SRGAP1: variants seen among roughly 807,000 people sequenced by gnomAD.
SRGAP1 encodes the protein SLIT-ROBO Rho GTPase activating protein 1, also known as SLIT-ROBO Rho GTPase-activating protein 1.
Under a neutral mutation model 121.9 loss-of-function variants are expected in SRGAP1, and 43 were observed. That is an observed-to-expected ratio of 0.35 (90% CI 0.28 to 0.46). SRGAP1 has a LOEUF of 0.46. SRGAP1 is among the 20% of genes least tolerant of loss of function. SRGAP1 has a pLI of 1.00. For missense variants in SRGAP1, 1,102 were observed against 1,350.9 expected (o/e 0.82, Z 2.89); for synonymous variants, 447 against 485.4 (o/e 0.92, Z 1.04).
chr12:63,864,314 G>A (rs1045798288), intron 1 of SRGAP1, among the ~76,000 whole-genome samples: 2 of 152,104 alleles, frequency 1.3e-5, no homozygotes, highest in Non-Finnish European at 2.9e-5. Context: ...TTATCATTGT[G>A]GTTATTCATC....
chr12:64,141,287 A>AAAG (rs60064168), intron 21 of SRGAP1, among the ~76,000 whole-genome samples: 40,550 of 144,510 alleles, frequency 0.28, 6,199 homozygotes, highest in East Asian at 0.57. Flanking sequence ...AAAAAAAAAA[A>AAAG]AAAGAAAAAC....
intron 1 of SRGAP1, among the ~76,000 whole-genome samples, chr12:63,898,335 A>G (rs1900821501): frequency 6.6e-6 from 1 of 152,232 alleles, no homozygotes. Context: ...AGGACATCCC[A>G]TTTCTAAGTT....
chr12:64,088,302 T>C (rs2035984242), intron 11 of SRGAP1, among the ~76,000 whole-genome samples: 1 of 152,236 alleles, frequency 6.6e-6, no homozygotes, highest in African/African-American at 2.4e-5. Context: ...ATGCAGCTTA[T>C]AGAGATGTTT....
intron 1 of SRGAP1, among the ~76,000 whole-genome samples, chr12:63,975,538 T>G (rs982887059): frequency 3.9e-5 from 6 of 152,192 alleles, no homozygotes; most frequent in Non-Finnish European, 8.8e-5. Flanking sequence ...TATCCAAAAT[T>G]TTATGATTGT....
At chr12:64,058,257 T>A (rs1313757583) in intron 6 of SRGAP1, among the ~76,000 whole-genome samples, 1 of 152,212 alleles carries the variant, frequency 6.6e-6, no homozygotes, top group Non-Finnish European at 1.5e-5. Context: ...AGACTTTCAA[T>A]GGCTCAACTT....
chr12:64,049,891 G>T (rs1396419754), intron 6 of SRGAP1, among the ~76,000 whole-genome samples: 1 of 152,110 alleles, frequency 6.6e-6, no homozygotes, highest in African/African-American at 2.4e-5. Flanking sequence ...TTGTGGTTCA[G>T]TATAAACTTT....
chr12:64,050,633 G>A (rs2035220002), intron 6 of SRGAP1, among the ~76,000 whole-genome samples: 6 of 152,160 alleles, frequency 3.9e-5, no homozygotes, highest in Admixed American at 3.3e-4. Flanking sequence ...CAGCTGATGT[G>A]TCTAGGCAAG....
chr12:63,948,129 G>A (rs965850476), intron 1 of SRGAP1, among the ~76,000 whole-genome samples: 12 of 151,550 alleles, frequency 7.9e-5, no homozygotes, highest in African/African-American at 2.4e-4. Flanking sequence ...GCTTTCTTTC[G>A]CCCTAAAATG....
At chr12:64,039,628 C>CGTGTGTGTGTGTGTGTGTGTGTGTGTGT (rs6144742) in intron 4 of SRGAP1, among the ~76,000 whole-genome samples, 4,817 of 130,746 alleles carry the variant, frequency 0.037, 300 homozygotes, top group Middle Eastern at 0.057. Context: ...AGCTGAGCAA[C>CGTGTGTGTGTGTGTGTGTGTGTGTGTGT]GTGTGTGTGT....
intron 1 of SRGAP1, among the ~76,000 whole-genome samples, chr12:63,900,597 G>C (rs1321739818): frequency 6.6e-6 from 1 of 152,046 alleles, no homozygotes; most frequent in East Asian, 2.0e-4. Context: ...AGGATCAGAT[G>C]AGGCCAGGAG....
At chr12:64,006,565 T>C (rs1593032558) in intron 3 of SRGAP1, among the ~76,000 whole-genome samples, 1 of 152,198 alleles carries the variant, frequency 6.6e-6, no homozygotes. Context: ...AAAGCAGATA[T>C]ATGACTTAAT....
At chr12:64,063,197 C>G (rs2035481322) in intron 7 of SRGAP1, 59 bp downstream of exon 7, 1 of 1,424,034 alleles carries the variant, frequency 7.0e-7, no homozygotes, top group Non-Finnish European at 9.8e-7. Context: ...TTTCTCCTCA[C>G]TTGCTATAAT....
intron 6 of SRGAP1, among the ~76,000 whole-genome samples, chr12:64,050,536 CA>C (rs1480648036): frequency 4.3e-4 from 66 of 152,260 alleles, no homozygotes; most frequent in African/African-American, 1.5e-3. Flanking sequence ...TTTTTAAAAT[CA>C]ATAATCTTTA....
At chr12:63,976,277 C>A (rs762630348) in intron 1 of SRGAP1, among the ~76,000 whole-genome samples, 6 of 152,176 alleles carry the variant, frequency 3.9e-5, no homozygotes, top group Non-Finnish European at 7.3e-5. Flanking sequence ...GTGACTAGAC[C>A]TCCTACCCAT....
chr12:64,087,098 C>A, intron 11 of SRGAP1, 72 bp downstream of exon 11: 1 of 1,173,058 alleles, frequency 8.5e-7, no homozygotes, highest in Non-Finnish European at 1.2e-6. Context: ...CATTTCAATG[C>A]TGAAAGAATT....
chr12:64,129,910 G>A (rs1012107250), intron 21 of SRGAP1, among the ~76,000 whole-genome samples: 1 of 152,188 alleles, frequency 6.6e-6, no homozygotes, highest in Non-Finnish European at 1.5e-5. Context: ...AGCTGGTATT[G>A]ATGACTACCT....
chr12:63,940,725 ATTGT>A (rs1423330221), intron 1 of SRGAP1, among the ~76,000 whole-genome samples: 1 of 152,156 alleles, frequency 6.6e-6, no homozygotes, highest in East Asian at 1.9e-4. Context: ...ATTTAGGGAA[ATTGT>A]TTGTGCCTCC....
In SRGAP1 at chr12:64,159,365, T is replaced by A. The variant is rs146573026; in HGVS notation, c.*16693T>A. 8.3e-3 allele frequency: 1,273 copies of A among 153,126 alleles called. 23 individuals are homozygous for A. Among genetic ancestry groups the A allele is most frequent in the African/African-American group, 0.029 (1,197 of 41,570 alleles). 9.5% of individuals were successfully genotyped at this position (153,126 alleles called of 1,614,324 possible). The stretch of plus-strand genomic sequence containing the variant: ...CTGTAATCCCAGCTACTCAGGAGGC[T>A]GAGGCAGGAGACTTGCTTTAACCCA... On this transcript the variant is annotated 3_prime_UTR_variant, in exon 22 of 22. Transcript: ENST00000355086.
chr12:64,140,121 A>T, intron 21 of SRGAP1, among the ~76,000 whole-genome samples: 2 of 145,552 alleles, frequency 1.4e-5, no homozygotes, highest in South Asian at 4.6e-4. Flanking sequence ...TGGTACCAGT[A>T]CCATGCTGTT....
Sources: allele counts gnomAD v4.1 joint callset (sites outside exome capture counted in the v4.1 genomes callset), GRCh38; gene constraint gnomAD v4.1.1; transcripts MANE v1.5; gene names NCBI Gene and HGNC (gene_info 2026-07-23, HGNC 2026-07-21).